The following LRRC7 variants were observed in gnomAD, a reference collection of about 807,000 sequenced individuals.
LRRC7 encodes the protein leucine-rich repeat-containing protein 7.
LRRC7 carries 23 observed loss-of-function variants against 175.7 expected under a neutral mutation model. The observed-to-expected ratio is 0.13, with a 90% CI of 0.09 to 0.19. The LOEUF (loss-of-function observed/expected upper bound fraction) is 0.19. LRRC7 is among the 10% of genes least tolerant of loss of function. LRRC7 has a pLI of 1.00. For synonymous variants in LRRC7, 685 were observed against 680.9 expected, an observed-to-expected ratio of 1.01 and a Z score of -0.09; for missense variants, 1,354 against 1,904.7, an observed-to-expected ratio of 0.71 and a Z score of 5.38.
intron 8 of LRRC7, among the ~76,000 whole-genome samples, chr1:69,967,398 T>C (rs980469666): frequency 4.6e-5 from 7 of 152,110 alleles, no homozygotes; most frequent in Non-Finnish European, 1.0e-4. Flanking sequence ...CAGTATACTC[T>C]TGGGAGTTCT....
At chr1:69,844,275 A>G (rs72676804) in intron 7 of LRRC7, among the ~76,000 whole-genome samples, 2,053 of 152,200 alleles carry the variant, frequency 0.013, 23 homozygotes, top group Non-Finnish European at 0.019. Flanking sequence ...AGCCATAGGC[A>G]CAATGTTGGA....
chr1:69,929,505 T>G (rs936229805), intron 7 of LRRC7, among the ~76,000 whole-genome samples: 15 of 152,170 alleles, frequency 9.9e-5, no homozygotes, highest in African/African-American at 3.6e-4. Flanking sequence ...ATCAAGACAT[T>G]TAGTTCTTAT....
At chr1:69,702,048 G>C (rs544146501) in intron 2 of LRRC7, among the ~76,000 whole-genome samples, 1 of 152,238 alleles carries the variant, frequency 6.6e-6, no homozygotes, top group African/African-American at 2.4e-5. Context: ...ACAAGGCATT[G>C]TGTTTTATTT....
intron 7 of LRRC7, among the ~76,000 whole-genome samples, chr1:69,888,945 ACAC>A (rs2101637337): frequency 6.6e-6 from 1 of 152,330 alleles, no homozygotes; most frequent in African/African-American, 2.4e-5. Context: ...ACTCAGTTTC[ACAC>A]CACCACAATA....
chr1:70,032,883 T>C (rs1209755142), intron 18 of LRRC7, among the ~76,000 whole-genome samples: 1 of 152,222 alleles, frequency 6.6e-6, no homozygotes, highest in African/African-American at 2.4e-5. Context: ...CTCTCATTTC[T>C]GTCTCCTCAC....
At chr1:69,865,751 AT>A (rs1684882067) in intron 7 of LRRC7, among the ~76,000 whole-genome samples, 6 of 151,910 alleles carry the variant, frequency 3.9e-5, no homozygotes, top group African/African-American at 1.5e-4. Flanking sequence ...AAGTGCTGGG[AT>A]TACAGGCGTG....
At chr1:70,040,318 T>C (rs1194102091) in intron 21 of LRRC7, among the ~76,000 whole-genome samples, 4 of 152,076 alleles carry the variant, frequency 2.6e-5, no homozygotes, top group Non-Finnish European at 5.9e-5. Flanking sequence ...AACAGAAAAA[T>C]AAGCAGGGAT....
intron 1 of LRRC7, among the ~76,000 whole-genome samples, chr1:69,605,260 C>A (rs1032799886): frequency 6.6e-6 from 1 of 152,124 alleles, no homozygotes; most frequent in Non-Finnish European, 1.5e-5. Context: ...CTATGTAAGA[C>A]GTGCCTTTGT....
chr1:69,658,025 A>G (rs1205528667), intron 1 of LRRC7, among the ~76,000 whole-genome samples: 1 of 151,952 alleles, frequency 6.6e-6, no homozygotes, highest in African/African-American at 2.4e-5. Context: ...CCATAGAATC[A>G]GCATTTAATG....
rs146873831 is a variant in LRRC7, at chr1:70,133,913, T to C, written c.*12026T>C. 3.9e-5 allele frequency among the ~76,000 whole-genome samples: 6 copies of C among 152,308 alleles called. No homozygotes were observed. The highest frequency in any genetic ancestry group is 8.8e-5 in the Non-Finnish European group (6 of 68,032). ...TAGATTTGTCTCAAGTTACTCAAAA[T>C]TTATTTTTAAAGTTAACTTTCCAAA... On this transcript the variant is annotated 3_prime_UTR_variant, in exon 27 of 27. Transcript: ENST00000651989.
At chr1:70,061,045 G>A (rs1661538237) in intron 23 of LRRC7, among the ~76,000 whole-genome samples, 1 of 151,692 alleles carries the variant, frequency 6.6e-6, no homozygotes, top group African/African-American at 2.4e-5. Context: ...TCTCTTTCCT[G>A]GTTCTCTTTC....
chr1:69,690,031 A>C (rs1661640062), intron 2 of LRRC7, among the ~76,000 whole-genome samples: 1 of 152,204 alleles, frequency 6.6e-6, no homozygotes, highest in Admixed American at 6.6e-5. Flanking sequence ...AGTTATATGT[A>C]GATGGTTTTT....
At chr1:69,800,406 C>G (rs926865841) in intron 4 of LRRC7, among the ~76,000 whole-genome samples, 6 of 151,960 alleles carry the variant, frequency 3.9e-5, no homozygotes, top group Admixed American at 3.9e-4. Context: ...TTTGGGTCAT[C>G]TACAATTTGT....
At chr1:69,821,745 A>G (rs1204770327) in intron 4 of LRRC7, among the ~76,000 whole-genome samples, 1 of 152,036 alleles carries the variant, frequency 6.6e-6, no homozygotes, top group African/African-American at 2.4e-5. Context: ...AATACAAAAA[A>G]TTAGCCTGGT....
chr1:69,668,007 G>A (rs1325649529), intron 1 of LRRC7, among the ~76,000 whole-genome samples: 1 of 151,634 alleles, frequency 6.6e-6, no homozygotes, highest in African/African-American at 2.4e-5. Context: ...TCACCATGAG[G>A]CCTGCAAATA....
intron 1 of LRRC7, among the ~76,000 whole-genome samples, chr1:69,575,356 CTATCCAAAAAGCATTTCT>C (rs1231395197): frequency 1.3e-5 from 2 of 152,168 alleles, no homozygotes; most frequent in Non-Finnish European, 2.9e-5. Flanking sequence ...TTTGATGACA[CTATCCAAAAAGCATTTCT>C]TTTTCATTGA....
At chr1:70,052,958 C>T (rs1324443192) in intron 22 of LRRC7, 68 bp from the exon 23 acceptor site, 4 of 1,444,510 alleles carry the variant, frequency 2.8e-6, no homozygotes, top group East Asian at 2.4e-5. Flanking sequence ...TCATTAGGGA[C>T]TCTTTTCAGA....
intron 7 of LRRC7, among the ~76,000 whole-genome samples, chr1:69,906,617 A>G (rs1255393788): frequency 6.6e-6 from 1 of 152,116 alleles, no homozygotes; most frequent in Non-Finnish European, 1.5e-5. Flanking sequence ...CCATTGATCT[A>G]TATCTCTGTT....
intron 7 of LRRC7, among the ~76,000 whole-genome samples, chr1:69,930,129 G>GTTATT (rs1200627062): frequency 3.3e-5 from 5 of 152,036 alleles, no homozygotes; most frequent in South Asian, 2.1e-4. Context: ...CTTTTAATAT[G>GTTATT]TTATTTTATT....
Sources: allele counts gnomAD v4.1 joint callset (sites outside exome capture counted in the v4.1 genomes callset), GRCh38; gene constraint gnomAD v4.1.1; transcripts MANE v1.5; gene names NCBI Gene and HGNC (gene_info 2026-07-23, HGNC 2026-07-21).